The following TTLL12 variants were observed in gnomAD, a reference collection of about 807,000 sequenced individuals.
The protein encoded by TTLL12 is tubulin tyrosine ligase like 12, also known as tubulin--tyrosine ligase-like protein 12.
A neutral mutation model predicts 79.6 loss-of-function variants in TTLL12; 77 were observed. The ratio of observed to expected loss-of-function variants is 0.97; its 90% CI spans 0.81 to 1.17. TTLL12 has a LOEUF of 1.17. Ranked by LOEUF, TTLL12 falls within the 50% of genes most tolerant of loss-of-function variation. TTLL12 has a pLI of 0.00. For synonymous variants in TTLL12, 437 were observed against 376.1 expected, an observed-to-expected ratio of 1.16 and a Z score of -1.87; for missense variants, 969 against 895.9, an observed-to-expected ratio of 1.08 and a Z score of -1.04.
At chr22:43,170,386 C>T (rs556265791) in intron 11 of TTLL12, 27 of 170,410 alleles carry the variant, frequency 1.6e-4, no homozygotes, top group Non-Finnish European at 2.8e-4. Flanking sequence ...GTCACCAGTG[C>T]ATGGCAGGGC....
intron 11 of TTLL12, chr22:43,170,148 G>A (rs979779378): frequency 2.0e-5 from 7 of 355,834 alleles, no homozygotes; most frequent in South Asian, 1.1e-4. Context: ...CGCCATCCAT[G>A]CCATGCTGGA....
intron 1 of TTLL12, chr22:43,186,145 G>GA (rs1932176876): frequency 3.7e-6 from 1 of 272,514 alleles, no homozygotes; most frequent in Admixed American, 6.7e-5. Flanking sequence ...CTCCGTCCGG[G>GA]AGACAGCACC....
At chr22:43,171,776 T>C (rs1353774407) in intron 11 of TTLL12, 43 bp downstream of exon 11, 6 of 1,580,720 alleles carry the variant, frequency 3.8e-6, no homozygotes, top group South Asian at 3.3e-5. Context: ...GGGTGTGCCC[T>C]GGCCTCTGTG....
Position 43,179,607 on chromosome 22 carries a change from G to T in TTLL12, c.840+12C>A. 2 of 1,565,394 alleles carry T rather than the reference G, an allele frequency of 1.3e-6. No homozygotes were observed. Among genetic ancestry groups the T allele is most frequent in the South Asian group, 1.2e-5 (1 of 84,920 alleles). On this transcript the variant is annotated intron_variant, in intron 5 of 13. Coordinates refer to ENST00000216129, the MANE Select transcript of TTLL12 (RefSeq NM_015140.4). ...CAAGCAGACAGGCCTGGTGGGTGGA[G>T]GAGGGCTGCACCTGGTAGTGCTCGG...
At chr22:43,179,415 G>C (rs1325944778) in intron 5 of TTLL12, among the ~76,000 whole-genome samples, 1 of 152,006 alleles carries the variant, frequency 6.6e-6, no homozygotes, top group East Asian at 1.9e-4. Context: ...CTGGGATCTG[G>C]AGCCCCCACC....
intron 6 of TTLL12, chr22:43,175,132 G>A (rs1328933472): frequency 1.3e-5 from 2 of 152,700 alleles, no homozygotes; most frequent in African/African-American, 2.4e-5. Context: ...CTCAGGCCCG[G>A]TGGAGGGGGC....
chr22:43,169,544 C>T lies in TTLL12; in HGVS notation c.1600G>A (p.Glu534Lys), dbSNP rs199848007. 6.5e-5 allele frequency: 104 copies of T among 1,609,954 alleles called. No individual in the cohort carries two copies. Among genetic ancestry groups the T allele is most frequent in the Non-Finnish European group, 7.6e-5 (89 of 1,177,530 alleles). Residue 534 changes from glutamate (E) to lysine (K), a missense_variant, in exon 12 of 14, where the codon GAG (glutamate) becomes AAG (lysine). Glu to Lys is a moderately conservative substitution (Grantham distance 56, BLOSUM62 1). Coordinates refer to ENST00000216129, the MANE Select transcript of TTLL12 (RefSeq NM_015140.4). Reference sequence around the variant, plus strand: ...AATTCTGGGTATTGCTTCTCAAACTCGGGGATGAACTCTTCACAGTGCACC... The same window carrying T: ...AATTCTGGGTATTGCTTCTCAAACTTGGGGATGAACTCTTCACAGTGCACC... ...KQVHCEEFIP[E>K]FEKQYPEFPW...
In TTLL12 at chr22:43,166,632, T is replaced by C. The variant is rs1931623187; in HGVS notation, c.*1376A>G. The C allele has an allele frequency of 1.3e-5, 2 of 152,300 alleles. No homozygotes were observed. The highest frequency in any genetic ancestry group is 2.9e-5 in the Non-Finnish European group (2 of 68,086). 9.4% of individuals were successfully genotyped at this position (152,300 alleles called of 1,614,324 possible). On this transcript the variant is annotated 3_prime_UTR_variant, in exon 14 of 14. Coordinates refer to ENST00000216129, the MANE Select transcript of TTLL12 (RefSeq NM_015140.4). ...AAAGGAGGGCAGAAATAAGAGAAGA[T>C]GGCCTTTATTGCAGCACGAACTGAG...
chr22:43,186,189 A>AGCCCCCC (rs796737951), intron 1 of TTLL12, among the ~76,000 whole-genome samples: 1 of 82,206 alleles, frequency 1.2e-5, no homozygotes. Flanking sequence ...TAAAGAAAAC[A>AGCCCCCC]CCCCCCCCCC....
chr22:43,186,058 G>C (rs1012223509), intron 1 of TTLL12: 16 of 980,220 alleles, frequency 1.6e-5, no homozygotes, highest in East Asian at 1.1e-4. Context: ...CCAGGCTCAG[G>C]GACTCCTAGT....
rs1555982105 is a variant in TTLL12 at position 43,186,190 on chromosome 22, C to CCG, written c.177+702_177+703insCG. ...TGTCGGGTCCCAGCTAAAGAAAACA[C>CCG]CCCCCCCCCCGCCAGCCCGGGAAGG... is the stretch of plus-strand genomic sequence containing the variant. On this transcript the variant is annotated intron_variant, in intron 1 of 13. Transcript: ENST00000216129. Among the ~76,000 whole-genome samples the CCG allele has an allele frequency of 7.0e-3, 612 of 87,216 alleles. 16 individuals are homozygous for CCG. Among genetic ancestry groups the CCG allele is most frequent in the African/African-American group, 0.037 (586 of 15,732 alleles). The allele number at this position is 87,216 out of a possible 152,430, so 57.2% of individuals were successfully genotyped here. A position where few individuals can be genotyped will look rare whatever the true frequency, so the allele number is the denominator to read the frequency against.
intron 1 of TTLL12, among the ~76,000 whole-genome samples, chr22:43,185,681 G>A (rs1355275356): frequency 6.6e-6 from 1 of 152,236 alleles, no homozygotes; most frequent in Non-Finnish European, 1.5e-5. Flanking sequence ...GCCAGATGGT[G>A]TCTCACCATC....
intron 9 of TTLL12, 113 bp downstream of exon 9, chr22:43,173,602 C>A (rs138938): frequency 0.34 from 342,592 of 1,004,922 alleles, 63,222 homozygotes; most frequent in Non-Finnish European, 0.38. Flanking sequence ...TGTAAGCCAC[C>A]CTGCCCAGCC....
At chr22:43,176,114 C>T (rs1396875342) in intron 6 of TTLL12, among the ~76,000 whole-genome samples, 2 of 151,896 alleles carry the variant, frequency 1.3e-5, no homozygotes, top group Non-Finnish European at 2.9e-5. Context: ...GAAAGCCCTG[C>T]TCGCTCTCTC....
rs1416508537 is a variant in TTLL12 at position 43,167,704 on chromosome 22, C to T, written c.*304G>A. 1.9e-5 allele frequency: 5 copies of T among 265,790 alleles called. No individual in the cohort carries two copies. Among genetic ancestry groups the T allele is most frequent in the East Asian group, 8.1e-5 (1 of 12,346 alleles). 16.5% of individuals were successfully genotyped at this position (265,790 alleles called of 1,614,324 possible). On this transcript the variant is annotated 3_prime_UTR_variant, in exon 14 of 14. Coordinates refer to ENST00000216129, the MANE Select transcript of TTLL12 (RefSeq NM_015140.4). ...AGGAACAAATTCTCCATGCCAGGAA[C>T]AAAGCCCTTGGCTAAACTGGAGACT...
intron 2 of TTLL12, among the ~76,000 whole-genome samples, chr22:43,181,990 CAG>C (rs1188868912): frequency 2.7e-5 from 4 of 149,290 alleles, no homozygotes; most frequent in Admixed American, 6.6e-5. Context: ...AGGGGAGACT[CAG>C]GGGGATGAAG....
chr22:43,169,606 C>T, intron 11 of TTLL12, 38 bp from the exon 12 acceptor site: 1 of 1,604,872 alleles, frequency 6.2e-7, no homozygotes, highest in Non-Finnish European at 8.5e-7. Context: ...TCTGTACAGG[C>T]CTCCGCTGGG....
intron 1 of TTLL12, among the ~76,000 whole-genome samples, chr22:43,185,029 A>G (rs1932144419): frequency 6.6e-6 from 1 of 151,932 alleles, no homozygotes; most frequent in Non-Finnish European, 1.5e-5. Flanking sequence ...GGAATTCGAG[A>G]TCAGCCTGAC....
chr22:43,179,552 T>C (rs934240090), intron 5 of TTLL12, 67 bp downstream of exon 5: 10 of 1,485,134 alleles, frequency 6.7e-6, no homozygotes, highest in Non-Finnish European at 8.0e-6. Flanking sequence ...TAACATTTGG[T>C]GTGTGCACAG....
Sources: gnomAD v4.1 joint callset for allele counts (sites outside exome capture counted in the v4.1 genomes callset) on GRCh38, gnomAD v4.1.1 for gene constraint, MANE v1.5 for transcripts, NCBI Gene and HGNC (gene_info 2026-07-23, HGNC 2026-07-21) for gene names.